The following ATP8A2 variants were observed in gnomAD, a reference collection of about 807,000 sequenced individuals.
ATP8A2 encodes ATPase phospholipid transporting 8A2.
In ATP8A2, 100 loss-of-function variants were observed where a neutral mutation model predicts 165.6. The ratio of observed to expected loss-of-function variants is 0.60; its 90% CI spans 0.51 to 0.71. ATP8A2 has a LOEUF of 0.71. ATP8A2 is among the 30% of genes least tolerant of loss of function. ATP8A2 has a pLI of 0.00. For synonymous variants in ATP8A2, 543 were observed against 548.8 expected (o/e 0.99, Z 0.15); for missense variants, 1,227 against 1,479.5 (o/e 0.83, Z 2.80).
chr13:26,011,944 A>G (rs1956857153), intron 35 of ATP8A2, among the ~76,000 whole-genome samples: 1 of 151,322 alleles, frequency 6.6e-6, no homozygotes, highest in Admixed American at 6.6e-5. Flanking sequence ...TTAAAAAAAT[A>G]AAATAGTATA....
chr13:25,892,598 T>TCG (rs1049155448), intron 33 of ATP8A2, among the ~76,000 whole-genome samples: 1 of 151,574 alleles, frequency 6.6e-6, no homozygotes, highest in Admixed American at 6.6e-5. Context: ...TCTCTCTCTC[T>TCG]CTCCCTCCTC....
intron 27 of ATP8A2, among the ~76,000 whole-genome samples, chr13:25,792,077 G>A (rs2045194450): frequency 6.6e-6 from 1 of 152,098 alleles, no homozygotes; most frequent in Admixed American, 6.5e-5. Flanking sequence ...GTGTCCGTGA[G>A]TATGGCTAAT....
At chr13:26,013,439 C>G (rs1188507105) in intron 36 of ATP8A2, among the ~76,000 whole-genome samples, 2 of 152,178 alleles carry the variant, frequency 1.3e-5, no homozygotes, top group East Asian at 3.9e-4. Context: ...CTTTCGGAGG[C>G]TGAGGTGAGT....
chr13:25,749,286 T>C (rs1437571214), intron 25 of ATP8A2, among the ~76,000 whole-genome samples: 1 of 151,634 alleles, frequency 6.6e-6, no homozygotes. Context: ...AGTATTCTGA[T>C]GGGAAGAGAG....
chr13:25,753,606 T>A (rs1348136279), intron 25 of ATP8A2, among the ~76,000 whole-genome samples: 1 of 152,146 alleles, frequency 6.6e-6, no homozygotes, highest in African/African-American at 2.4e-5. Context: ...TGCAGGGAGA[T>A]CACAGAGGGA....
rs148604814 is a variant in ATP8A2 at position 25,692,068 on chromosome 13, G to A, written c.2212-7105G>A. Among the ~76,000 whole-genome samples, 783 of 152,272 alleles carry A rather than the reference G, an allele frequency of 5.1e-3. 5 individuals carry two copies. Among genetic ancestry groups the A allele is most frequent in the African/African-American group, 0.018 (750 of 41,540 alleles). On this transcript the variant is annotated intron_variant, in intron 24 of 36. Coordinates refer to ENST00000381655, the MANE Select transcript of ATP8A2 (RefSeq NM_016529.6). ...CACTGGGTGTGAGAGGCTGGGCAGG[G>A]AACGATCTGAAGAATGGGGGAGGGC...
chr13:25,751,373 A>AT, intron 25 of ATP8A2, among the ~76,000 whole-genome samples: 1 of 152,334 alleles, frequency 6.6e-6, no homozygotes, highest in East Asian at 1.9e-4. Flanking sequence ...AAATGGCTTC[A>AT]TTTTAGGCAA....
chr13:25,791,714 C>T (rs2045184542), intron 27 of ATP8A2, among the ~76,000 whole-genome samples: 2 of 152,128 alleles, frequency 1.3e-5, no homozygotes, highest in African/African-American at 2.4e-5. Context: ...CTTCAGGACA[C>T]TCTTAAAATT....
chr13:25,828,825 C>T (rs1038863635), intron 28 of ATP8A2, among the ~76,000 whole-genome samples: 1 of 152,118 alleles, frequency 6.6e-6, no homozygotes, highest in Non-Finnish European at 1.5e-5. Context: ...GGCTCAGTAG[C>T]TGCTTAGCTT....
chr13:25,734,989 G>C (rs2043736352), intron 25 of ATP8A2, among the ~76,000 whole-genome samples: 1 of 152,144 alleles, frequency 6.6e-6, no homozygotes, highest in East Asian at 1.9e-4. Context: ...GTGGCAGAAA[G>C]GAACAAGCGA....
At chr13:25,970,701 GGT>G (rs1276031469) in intron 35 of ATP8A2, among the ~76,000 whole-genome samples, 1 of 152,188 alleles carries the variant, frequency 6.6e-6, no homozygotes, top group Admixed American at 6.5e-5. Context: ...ACCCATCTCA[GGT>G]GTGTAAAAGG....
intron 30 of ATP8A2, among the ~76,000 whole-genome samples, chr13:25,859,443 T>G (rs1952276284): frequency 6.6e-6 from 1 of 152,044 alleles, no homozygotes; most frequent in Non-Finnish European, 1.5e-5. Flanking sequence ...GATATTAAAA[T>G]AGGCTCTGAC....
intron 33 of ATP8A2, among the ~76,000 whole-genome samples, chr13:25,898,190 A>G (rs1053713887): frequency 6.6e-6 from 1 of 152,082 alleles, no homozygotes; most frequent in Non-Finnish European, 1.5e-5. Context: ...ATGGTGACCT[A>G]CAGATGGGAT....
chr13:25,940,095 G>A (rs1197407738), intron 33 of ATP8A2, among the ~76,000 whole-genome samples: 1 of 152,040 alleles, frequency 6.6e-6, no homozygotes, highest in East Asian at 1.9e-4. Flanking sequence ...CTCAGTCCTC[G>A]AGTGGCGCTG....
chr13:25,564,037 T>A lies in ATP8A2; in HGVS notation c.1473+6T>A. ...AGAACATTGAGGATCGCCATGTAAG[T>A]GCTCTGTTTTACTTCGAAGACAGCA... On this transcript the variant is annotated splice_donor_region_variant and intron_variant, in intron 16 of 36. Transcript: ENST00000381655. 6.2e-7 allele frequency: 1 copy of A among 1,605,144 alleles called. No homozygotes were observed. The highest frequency in any genetic ancestry group is 8.5e-7 in the Non-Finnish European group (1 of 1,171,798).
chr13:26,015,684 C>G (rs551870844), intron 36 of ATP8A2, among the ~76,000 whole-genome samples: 84 of 152,238 alleles, frequency 5.5e-4, no homozygotes, highest in African/African-American at 2.0e-3. Context: ...CTCCCACCTC[C>G]TTTCACCTAC....
chr13:25,435,932 A>AGTGTGTGTATGTGT (rs2034751666), intron 1 of ATP8A2, among the ~76,000 whole-genome samples: 5 of 75,780 alleles, frequency 6.6e-5, no homozygotes, highest in Admixed American at 1.5e-4. Flanking sequence ...TGTGTGTGTG[A>AGTGTGTGTATGTGT]GTGTGTGTGT....
At chr13:25,727,502 T>C (rs751435346) in intron 25 of ATP8A2, among the ~76,000 whole-genome samples, 4 of 152,164 alleles carry the variant, frequency 2.6e-5, no homozygotes, top group African/African-American at 4.8e-5. Context: ...CACTCTCACA[T>C]GCCCTGGAGA....
intron 35 of ATP8A2, among the ~76,000 whole-genome samples, chr13:25,975,450 C>T (rs928754380): frequency 2.0e-5 from 3 of 151,478 alleles, no homozygotes; most frequent in East Asian, 1.9e-4. Flanking sequence ...GGTGTGGTGG[C>T]GGGCACCTGT....
Sources: gnomAD v4.1 joint callset for allele counts (sites outside exome capture counted in the v4.1 genomes callset) on GRCh38, gnomAD v4.1.1 for gene constraint, MANE v1.5 for transcripts, NCBI Gene and HGNC (gene_info 2026-07-23, HGNC 2026-07-21) for gene names.